Variants in LAMA2 observed in about 807,000 individuals in gnomAD.
The protein encoded by LAMA2 is laminin subunit alpha-2.
In LAMA2, 269 loss-of-function variants were observed where a neutral mutation model predicts 364.8. The observed-to-expected ratio is 0.74, with a 90% CI of 0.67 to 0.82. The LOEUF (loss-of-function observed/expected upper bound fraction) is 0.82, where lower values mean the gene tolerates loss of function less well. Among genes scored for constraint, LAMA2 ranks in the 40% least tolerant of loss-of-function variants. LAMA2 has a pLI of 0.00. For missense variants in LAMA2, 3,807 were observed against 3,873.2 expected (o/e 0.98, Z 0.45); for synonymous variants, 1,379 against 1,370.6 (o/e 1.01, Z -0.14).
At chr6:129,207,164 C>G (rs1335900903) in intron 12 of LAMA2, among the ~76,000 whole-genome samples, 1 of 152,148 alleles carries the variant, frequency 6.6e-6, no homozygotes, top group Non-Finnish European at 1.5e-5. Context: ...ACAGCTATTT[C>G]CAAAGAAACG....
chr6:129,401,254 C>A lies in LAMA2; in HGVS notation c.5476C>A (p.Arg1826=). 6.2e-7 allele frequency: 1 copy of A among 1,611,512 alleles called. No individual in the cohort carries two copies. The highest frequency in any genetic ancestry group is 8.5e-7 in the Non-Finnish European group (1 of 1,177,814). ...KKKEAVESGK[R]QIENTLKEGN... is the part of the protein sequence containing the mutation. ...GAAGGAGGCTGTTGAAAGCGGCAAA[C>A]GACAAATTGAGAACACTTTAAAAGA... Residue 1826 remains arginine, a synonymous_variant, in exon 38 of 65, where the codon CGA becomes AGA. Coordinates refer to ENST00000421865, the MANE Select transcript of LAMA2 (RefSeq NM_000426.4).
chr6:129,136,056 GA>G (rs1447317423), intron 4 of LAMA2, among the ~76,000 whole-genome samples: 3 of 151,988 alleles, frequency 2.0e-5, no homozygotes, highest in Non-Finnish European at 2.9e-5. Flanking sequence ...AGGGAAGGGG[GA>G]AATTTGCATT....
At chr6:129,254,734 CTTCTT>C (rs1786511883) in intron 14 of LAMA2, among the ~76,000 whole-genome samples, 2 of 152,306 alleles carry the variant, frequency 1.3e-5, no homozygotes, top group Non-Finnish European at 2.9e-5. Flanking sequence ...ACTCTTCATT[CTTCTT>C]TTAAGAATAT....
intron 3 of LAMA2, among the ~76,000 whole-genome samples, chr6:129,095,422 C>A (rs999184879): frequency 1.3e-5 from 2 of 152,258 alleles, no homozygotes; most frequent in African/African-American, 4.8e-5. Context: ...TCATCATATA[C>A]ATTTCTGTTA....
chr6:129,010,703 T>C (rs1184927377), intron 1 of LAMA2, among the ~76,000 whole-genome samples: 1 of 152,218 alleles, frequency 6.6e-6, no homozygotes, highest in East Asian at 1.9e-4. Flanking sequence ...ACTTTATTAT[T>C]TGTCGTGGTA....
At chr6:129,339,227 A>G (rs1204010171) in intron 29 of LAMA2, among the ~76,000 whole-genome samples, 1 of 152,240 alleles carries the variant, frequency 6.6e-6, no homozygotes, top group Middle Eastern at 3.2e-3. Context: ...TAGCAACAAG[A>G]AAGTCAAGAA....
intron 4 of LAMA2, among the ~76,000 whole-genome samples, chr6:129,135,951 C>T (rs895123183): frequency 6.6e-6 from 1 of 151,658 alleles, no homozygotes; most frequent in Non-Finnish European, 1.5e-5. Flanking sequence ...ATTTCAACTT[C>T]GAGTACTTTT....
At chr6:129,181,143 T>C (rs1225968012) in intron 10 of LAMA2, among the ~76,000 whole-genome samples, 1 of 152,118 alleles carries the variant, frequency 6.6e-6, no homozygotes, top group Non-Finnish European at 1.5e-5. Context: ...TACATTTTTA[T>C]TCTCCCCTTA....
At chr6:129,401,593 G>T (rs1779976987) in intron 38 of LAMA2, among the ~76,000 whole-genome samples, 1 of 152,158 alleles carries the variant, frequency 6.6e-6, no homozygotes, top group Non-Finnish European at 1.5e-5. Flanking sequence ...CAGCGATGAA[G>T]GACATTTCTT....
chr6:129,458,954 G>C (rs1260117199), intron 48 of LAMA2, among the ~76,000 whole-genome samples: 1 of 151,998 alleles, frequency 6.6e-6, no homozygotes, highest in African/African-American at 2.4e-5. Flanking sequence ...AGTAAATATG[G>C]GTTCACTTTG....
intron 21 of LAMA2, among the ~76,000 whole-genome samples, chr6:129,299,283 T>C (rs1449121749): frequency 6.6e-6 from 1 of 152,096 alleles, no homozygotes; most frequent in Admixed American, 6.6e-5. Flanking sequence ...TCATTTTCCA[T>C]CTGCAAAATT....
In LAMA2 at chr6:129,032,546, A is replaced by G. The variant is rs556070702; in HGVS notation, c.113-17372A>G. On this transcript the variant is annotated intron_variant, in intron 1 of 64. Transcript: ENST00000421865. ...TATTCGTTGAATGTGATCAGAGGACATTGTAAGCCAGGATAATCATTTTGA... is the reference window on the plus strand; with the variant it reads ...TATTCGTTGAATGTGATCAGAGGACGTTGTAAGCCAGGATAATCATTTTGA... Among the ~76,000 whole-genome samples the G allele has an allele frequency of 1.1e-4, 16 of 152,312 alleles. No individual in the cohort carries two copies. The East Asian group carries it at 2.7e-3, about 26-fold the overall frequency.
intron 40 of LAMA2, among the ~76,000 whole-genome samples, chr6:129,412,959 G>T (rs892325660): frequency 1.3e-5 from 2 of 152,148 alleles, no homozygotes; most frequent in African/African-American, 4.8e-5. Context: ...TCTGCTTCAG[G>T]TTGTCTTCAT....
intron 1 of LAMA2, among the ~76,000 whole-genome samples, chr6:128,976,145 AT>A (rs1055295413): frequency 1.3e-5 from 2 of 152,216 alleles, no homozygotes; most frequent in Admixed American, 1.3e-4. Flanking sequence ...GACTGACAGG[AT>A]TTTTTTTGTA....
intron 12 of LAMA2, among the ~76,000 whole-genome samples, chr6:129,205,802 A>T (rs1461975906): frequency 1.3e-5 from 2 of 152,082 alleles, no homozygotes; most frequent in African/African-American, 4.8e-5. Context: ...AGACAGGCAG[A>T]TCACTGGAGA....
chr6:128,951,709 A>T (rs988024274), intron 1 of LAMA2, among the ~76,000 whole-genome samples: 2 of 152,176 alleles, frequency 1.3e-5, no homozygotes, highest in African/African-American at 4.8e-5. Flanking sequence ...AAAGCTTCTT[A>T]TTGTCCCCAA....
At chr6:128,953,597 T>TTGTGTGTG (rs113782463) in intron 1 of LAMA2, among the ~76,000 whole-genome samples, 8 of 121,876 alleles carry the variant, frequency 6.6e-5, no homozygotes, top group South Asian at 5.4e-4. Context: ...GCCCATGGAC[T>TTGTGTGTG]TGTGTGTGTG....
chr6:128,988,950 G>T (rs930112649), intron 1 of LAMA2, among the ~76,000 whole-genome samples: 4 of 152,024 alleles, frequency 2.6e-5, no homozygotes, highest in African/African-American at 9.7e-5. Context: ...ATTAAGTCAA[G>T]AAATAGTAAA....
chr6:129,360,277 G>T (rs1385051393), intron 32 of LAMA2, among the ~76,000 whole-genome samples: 3 of 152,132 alleles, frequency 2.0e-5, no homozygotes, highest in Non-Finnish European at 4.4e-5. Context: ...ACACTCTTCA[G>T]ATTTTCCCTA....
Sources: allele counts gnomAD v4.1 joint callset (sites outside exome capture counted in the v4.1 genomes callset), GRCh38; gene constraint gnomAD v4.1.1; transcripts MANE v1.5; gene names NCBI Gene and HGNC (gene_info 2026-07-23, HGNC 2026-07-21).